Variants in KLHL29 observed in about 807,000 individuals in gnomAD.
The protein encoded by KLHL29 is kelch like family member 29.
In KLHL29, 21 loss-of-function variants were observed where a neutral mutation model predicts 80.4. The ratio of observed to expected loss-of-function variants is 0.26; its 90% confidence interval spans 0.19 to 0.38. KLHL29 has a LOEUF of 0.38. KLHL29 is among the 10% of genes least tolerant of loss of function. KLHL29 has a pLI of 1.00. For synonymous variants in KLHL29, 511 were observed against 526.8 expected, an observed-to-expected ratio of 0.97 and a Z score of 0.41; for missense variants, 867 against 1,223.9, an observed-to-expected ratio of 0.71 and a Z score of 4.35.
intron 2 of KLHL29, among the ~76,000 whole-genome samples, chr2:23,502,597 A>T (rs1385957897): frequency 6.6e-6 from 1 of 152,154 alleles, no homozygotes; most frequent in African/African-American, 2.4e-5. Flanking sequence ...CTGCAAATCT[A>T]CCTATATGAC....
At chr2:23,497,006 A>G (rs1665285065) in intron 2 of KLHL29, among the ~76,000 whole-genome samples, 1 of 152,088 alleles carries the variant, frequency 6.6e-6, no homozygotes. Flanking sequence ...AACATAAGTC[A>G]CAGTTATATT....
chr2:23,430,895 A>G (rs1663153811), intron 1 of KLHL29, among the ~76,000 whole-genome samples: 1 of 152,194 alleles, frequency 6.6e-6, no homozygotes, highest in African/African-American at 2.4e-5. Context: ...TGTGTCTATA[A>G]ACTCCATTTT....
rs1669806178 is a variant in KLHL29, at chr2:23,642,735, C to T, written c.825C>T (p.Pro275=). ...CAGCCCAGCCGTCCGCCACTCTCCC[C>T]AGTGGTGCCCCTGCCACCAATGGGC... ...PPPAQPSATL[P]SGAPATNGPP... The change falls in exon 5 of 14, where the codon CCC becomes CCT. Residue 275 remains proline, a synonymous_variant. Coordinates refer to ENST00000486442, the MANE Select transcript of KLHL29 (RefSeq NM_052920.2). 5.8e-6 allele frequency: 9 copies of T among 1,549,976 alleles called. No individual in the cohort carries two copies. Among genetic ancestry groups the T allele is most frequent in the Non-Finnish European group, 7.0e-6 (8 of 1,146,746 alleles).
chr2:23,411,285 T>C (rs1264565290), intron 1 of KLHL29, among the ~76,000 whole-genome samples: 2 of 151,992 alleles, frequency 1.3e-5, no homozygotes, highest in Non-Finnish European at 2.9e-5. Context: ...TGAGAACATT[T>C]GGGGCAGAAT....
chr2:23,545,248 G>T (rs1666952286), intron 2 of KLHL29, among the ~76,000 whole-genome samples: 1 of 152,192 alleles, frequency 6.6e-6, no homozygotes, highest in African/African-American at 2.4e-5. Flanking sequence ...GATAGAGAAA[G>T]AAGAGCACTG....
chr2:23,550,167 G>A (rs931441447), intron 2 of KLHL29, among the ~76,000 whole-genome samples: 1 of 152,174 alleles, frequency 6.6e-6, no homozygotes, highest in African/African-American at 2.4e-5. Context: ...ACTGAGCCGG[G>A]TATAATGGGG....
intron 1 of KLHL29, among the ~76,000 whole-genome samples, chr2:23,399,611 A>G (rs1666539540): frequency 6.6e-6 from 1 of 152,230 alleles, no homozygotes; most frequent in Admixed American, 6.5e-5. Context: ...AAGCAATACA[A>G]TGAAATCTAC....
chr2:23,604,136 GTTTTTTTATTTTTTTTAT>G (rs113951270), intron 3 of KLHL29, among the ~76,000 whole-genome samples: 5 of 151,116 alleles, frequency 3.3e-5, no homozygotes, highest in Admixed American at 1.3e-4. Context: ...TTTCTTTTTT[GTTTTTTTATTTTTTTTAT>G]TTTTTTTATT....
chr2:23,636,589 T>A (rs931184253), intron 3 of KLHL29, among the ~76,000 whole-genome samples: 1 of 152,074 alleles, frequency 6.6e-6, no homozygotes, highest in Non-Finnish European at 1.5e-5. Flanking sequence ...GAGCTGTTCA[T>A]ATATTGAGTC....
intron 3 of KLHL29, among the ~76,000 whole-genome samples, chr2:23,620,815 AAGAG>A (rs1669160038): frequency 6.6e-6 from 1 of 152,196 alleles, no homozygotes; most frequent in African/African-American, 2.4e-5. Flanking sequence ...ACATCATTGA[AAGAG>A]AGAAGGCCAA....
chr2:23,648,123 G>A (rs921669704), intron 5 of KLHL29, among the ~76,000 whole-genome samples: 3 of 151,844 alleles, frequency 2.0e-5, no homozygotes, highest in African/African-American at 7.3e-5. Flanking sequence ...CCCGACACCT[G>A]ACCCACGCCT....
intron 1 of KLHL29, among the ~76,000 whole-genome samples, chr2:23,437,612 CA>C (rs1663380411): frequency 6.6e-6 from 1 of 152,204 alleles, no homozygotes; most frequent in South Asian, 2.1e-4. Context: ...CAGCCTGTCT[CA>C]GTTTATATAT....
At chr2:23,507,985 C>T (rs1009552336) in intron 2 of KLHL29, among the ~76,000 whole-genome samples, 2 of 152,188 alleles carry the variant, frequency 1.3e-5, no homozygotes, top group African/African-American at 4.8e-5. Flanking sequence ...AAAATACAGA[C>T]AAGGCCATAG....
intron 5 of KLHL29, among the ~76,000 whole-genome samples, chr2:23,652,036 C>A (rs1036961819): frequency 2.0e-5 from 3 of 152,222 alleles, no homozygotes; most frequent in Non-Finnish European, 2.9e-5. Context: ...CAGTCCGTAA[C>A]AGTCTACAAG....
At position 23,443,012 on chromosome 2, in the gene KLHL29, A is replaced by T. The variant is rs369591072; in HGVS notation, c.-153-32548A>T. Among the ~76,000 whole-genome samples, 48 of 152,282 alleles carry T rather than the reference A, an allele frequency of 3.2e-4. 3 individuals are homozygous for T. Among genetic ancestry groups the T allele is most frequent in the African/African-American group, 9.9e-4 (41 of 41,570 alleles). ...AATTGTAGCTGCCACGCTGAATGTG[A>T]TACCACTTCAGGCCCTTGTGTTGGA... is the stretch of plus-strand genomic sequence containing the variant. On this transcript the variant is annotated intron_variant, in intron 1 of 13. Transcript: ENST00000486442.
intron 5 of KLHL29, among the ~76,000 whole-genome samples, chr2:23,648,545 G>A (rs1452778251): frequency 6.6e-5 from 10 of 151,836 alleles, no homozygotes; most frequent in Non-Finnish European, 2.9e-5. Context: ...CATAACAACC[G>A]GAAGGAAGCA....
chr2:23,531,753 C>T (rs1666497116), intron 2 of KLHL29, among the ~76,000 whole-genome samples: 2 of 152,184 alleles, frequency 1.3e-5, no homozygotes, highest in South Asian at 4.1e-4. Flanking sequence ...TCCCAAGTTA[C>T]AATAATGATC....
intron 3 of KLHL29, among the ~76,000 whole-genome samples, chr2:23,588,131 G>A (rs1668164457): frequency 6.6e-6 from 1 of 152,084 alleles, no homozygotes; most frequent in Non-Finnish European, 1.5e-5. Flanking sequence ...TGCCCTGTGA[G>A]TAGCCTGACA....
intron 2 of KLHL29, among the ~76,000 whole-genome samples, chr2:23,534,565 T>C (rs569522621): frequency 1.2e-4 from 18 of 152,194 alleles, no homozygotes; most frequent in African/African-American, 3.4e-4. Flanking sequence ...GATGCTAACT[T>C]CTGTTCCAGC....
Sources: gnomAD v4.1 joint callset for allele counts (sites outside exome capture counted in the v4.1 genomes callset) on GRCh38, gnomAD v4.1.1 for gene constraint, MANE v1.5 for transcripts, NCBI Gene and HGNC (gene_info 2026-07-23, HGNC 2026-07-21) for gene names.